The following SOX6 variants were observed in gnomAD, a reference collection of about 807,000 sequenced individuals.
The protein encoded by SOX6 is transcription factor SOX-6.
A neutral mutation model predicts 97.8 loss-of-function variants in SOX6; 11 were observed. The ratio of observed to expected loss-of-function variants is 0.11; its 90% confidence interval spans 0.07 to 0.19. SOX6 has a LOEUF of 0.19. Among genes scored for constraint, SOX6 ranks in the 10% least tolerant of loss-of-function variants. SOX6 has a pLI of 1.00. For synonymous variants in SOX6, 360 were observed against 371.4 expected (o/e 0.97, Z 0.35); for missense variants, 810 against 1,039.5 (o/e 0.78, Z 3.04).
chr11:15,990,846 G>C (rs886677962), intron 13 of SOX6, among the ~76,000 whole-genome samples: 5 of 152,204 alleles, frequency 3.3e-5, no homozygotes, highest in Non-Finnish European at 5.9e-5. Context: ...TCTGCTCAGT[G>C]AAGTTATTAT....
intron 4 of SOX6, among the ~76,000 whole-genome samples, chr11:16,534,310 C>A (rs1358327730): frequency 6.6e-6 from 1 of 151,964 alleles, no homozygotes; most frequent in Non-Finnish European, 1.5e-5. Flanking sequence ...GACTAGGAAC[C>A]TAAAAGAAAG....
intron 3 of SOX6, among the ~76,000 whole-genome samples, chr11:16,257,579 T>G (rs1443578186): frequency 1.3e-5 from 2 of 151,850 alleles, no homozygotes; most frequent in Non-Finnish European, 2.9e-5. Flanking sequence ...TAGACCTAAA[T>G]GTAAAACACA....
chr11:16,644,789 T>C (rs954664735), intron 3 of SOX6, among the ~76,000 whole-genome samples: 1 of 152,196 alleles, frequency 6.6e-6, no homozygotes, highest in East Asian at 1.9e-4. Context: ...TTAATTGTAT[T>C]GTTCAAATCT....
intron 2 of SOX6, 67 bp downstream of exon 2, chr11:16,340,945 A>G: frequency 1.2e-6 from 2 of 1,604,636 alleles, no homozygotes; most frequent in Non-Finnish European, 1.7e-6. Context: ...TCCCTAAAAT[A>G]TCTATTTATA....
chr11:16,538,240 A>G (rs1031764486), intron 4 of SOX6, among the ~76,000 whole-genome samples: 14 of 152,210 alleles, frequency 9.2e-5, no homozygotes, highest in African/African-American at 1.4e-4. Context: ...TCAAAAGTGA[A>G]GGAGAAATAA....
At chr11:16,648,130 T>G (rs1373134540) in intron 3 of SOX6, among the ~76,000 whole-genome samples, 12 of 152,064 alleles carry the variant, frequency 7.9e-5, no homozygotes, top group Non-Finnish European at 1.5e-5. Flanking sequence ...GCCAGGTTGT[T>G]TCTTAGCAGG....
chr11:15,988,408 C>T (rs906256870), intron 14 of SOX6, among the ~76,000 whole-genome samples: 10 of 152,146 alleles, frequency 6.6e-5, no homozygotes, highest in Non-Finnish European at 1.0e-4. Flanking sequence ...CAGCTCACTG[C>T]TATGAAATTT....
intron 12 of SOX6, among the ~76,000 whole-genome samples, chr11:16,034,378 T>C (rs1435987369): frequency 6.6e-6 from 1 of 152,158 alleles, no homozygotes; most frequent in East Asian, 1.9e-4. Flanking sequence ...AAAAATAAAA[T>C]CAAGCATTTC....
intron 4 of SOX6, among the ~76,000 whole-genome samples, chr11:16,530,794 AG>A (rs1230792717): frequency 6.6e-5 from 10 of 151,840 alleles, no homozygotes; most frequent in African/African-American, 9.7e-5. Context: ...ACACTGTCCG[AG>A]GTGAAGGAAA....
chr11:16,492,518 C>T (rs1450515781), intron 4 of SOX6, among the ~76,000 whole-genome samples: 3 of 152,208 alleles, frequency 2.0e-5, no homozygotes, highest in African/African-American at 7.2e-5. Context: ...TCAGACTCTC[C>T]TCCTTCAGGA....
intron 2 of SOX6, among the ~76,000 whole-genome samples, 176 bp downstream of exon 2, chr11:16,340,836 A>G (rs1324485330): frequency 6.6e-6 from 1 of 152,072 alleles, no homozygotes; most frequent in Non-Finnish European, 1.5e-5. Context: ...ACTAAATCAC[A>G]AACCATTTTT....
chr11:16,057,452 A>G lies in SOX6; in HGVS notation c.1102-1551T>C, dbSNP rs1027159498. 7.9e-5 allele frequency among the ~76,000 whole-genome samples: 12 copies of G among 152,186 alleles called. 1 individual carries two copies. The East Asian group carries it at 1.4e-3, about 17-fold the overall frequency. ...CTCTGCATGAAATCAGTAAAACTCT[A>G]CCCAACGTAATTGAATATATCAGGT... On this transcript the variant is annotated intron_variant, in intron 9 of 15. Transcript: ENST00000683767.
intron 4 of SOX6, among the ~76,000 whole-genome samples, chr11:16,498,495 T>C (rs1341473525): frequency 1.3e-5 from 2 of 151,906 alleles, no homozygotes; most frequent in East Asian, 3.9e-4. Context: ...AATGCTCCAA[T>C]TAAAAGACAC....
At chr11:16,217,600 C>A (rs1245456443) in intron 4 of SOX6, among the ~76,000 whole-genome samples, 1 of 152,064 alleles carries the variant, frequency 6.6e-6, no homozygotes, top group Non-Finnish European at 1.5e-5. Flanking sequence ...TATAAGTAAC[C>A]ATATAGTTTC....
At chr11:16,583,638 C>CATATATATATATATAT (rs1329710047) in intron 4 of SOX6, among the ~76,000 whole-genome samples, 28 of 104,522 alleles carry the variant, frequency 2.7e-4, no homozygotes, top group Non-Finnish European at 4.4e-4. Flanking sequence ...TATATATATA[C>CATATATATATATATAT]ACATACACAC....
rs1371905592 is a variant in SOX6 at position 15,972,539 on chromosome 11, T to A, written c.*270A>T. ...TAAGACTTGTAAGACATCTACGGGT[T>A]GAGATAAGTTTCAAGTCCTGGTGTC... is the stretch of plus-strand genomic sequence containing the variant. On this transcript the variant is annotated 3_prime_UTR_variant, in exon 16 of 16. Coordinates refer to ENST00000683767, the MANE Select transcript of SOX6 (RefSeq NM_001367873.1). 5 of 487,610 alleles carry A rather than the reference T, an allele frequency of 1.0e-5. No homozygotes were observed. The highest frequency in any genetic ancestry group is 1.8e-5 in the Non-Finnish European group (5 of 272,326). 30.2% of individuals were successfully genotyped at this position (487,610 alleles called of 1,614,324 possible).
intron 4 of SOX6, among the ~76,000 whole-genome samples, chr11:16,595,496 A>G (rs1848202389): frequency 1.3e-5 from 2 of 151,976 alleles, no homozygotes; most frequent in African/African-American, 4.8e-5. Flanking sequence ...AGATTATGAA[A>G]TTAGGTGGGC....
intron 1 of SOX6, among the ~76,000 whole-genome samples, chr11:16,456,189 A>T (rs1401837865): frequency 6.6e-6 from 1 of 152,046 alleles, no homozygotes; most frequent in Non-Finnish European, 1.5e-5. Flanking sequence ...TAAAATTCTC[A>T]CTAGAGACTA....
intron 9 of SOX6, among the ~76,000 whole-genome samples, chr11:16,084,970 G>T (rs759286016): frequency 1.2e-4 from 19 of 152,124 alleles, no homozygotes; most frequent in Non-Finnish European, 2.5e-4. Context: ...TAAATGAACG[G>T]AGAAGTGAAG....
Sources: allele counts gnomAD v4.1 joint callset (sites outside exome capture counted in the v4.1 genomes callset), GRCh38; gene constraint gnomAD v4.1.1; transcripts MANE v1.5; gene names NCBI Gene and HGNC (gene_info 2026-07-23, HGNC 2026-07-21).